The following SGCD variants were observed in gnomAD, a reference collection of about 807,000 sequenced individuals.
SGCD encodes the protein delta-sarcoglycan.
In SGCD, 18 loss-of-function variants were observed where a neutral mutation model predicts 36.6. The observed-to-expected ratio is 0.49, with a 90% CI of 0.34 to 0.73. SGCD has a LOEUF of 0.73. SGCD is among the 30% of genes least tolerant of loss of function. SGCD has a pLI of 0.01. For synonymous variants in SGCD, 133 were observed against 130.6 expected, an observed-to-expected ratio of 1.02 and a Z score of -0.12; for missense variants, 387 against 346.7, an observed-to-expected ratio of 1.12 and a Z score of -0.92.
chr5:156,538,658 C>T (rs1184342143), intron 4 of SGCD, among the ~76,000 whole-genome samples: 4 of 152,028 alleles, frequency 2.6e-5, no homozygotes, highest in African/African-American at 9.7e-5. Context: ...GCTCTTTCTG[C>T]TTATCTAGGA....
chr5:156,400,386 A>C (rs1772081051), intron 3 of SGCD, among the ~76,000 whole-genome samples: 1 of 152,222 alleles, frequency 6.6e-6, no homozygotes, highest in South Asian at 2.1e-4. Context: ...ACTTGAGGAT[A>C]TGATGACCTA....
chr5:156,576,166 C>T (rs1486279279), intron 4 of SGCD, among the ~76,000 whole-genome samples: 6 of 151,428 alleles, frequency 4.0e-5, no homozygotes, highest in Non-Finnish European at 8.8e-5. Context: ...TGAGTGAGAA[C>T]ATGCGGTGTT....
intron 3 of SGCD, among the ~76,000 whole-genome samples, chr5:156,421,754 C>G (rs1773320120): frequency 6.6e-6 from 1 of 152,022 alleles, no homozygotes; most frequent in African/African-American, 2.4e-5. Context: ...ACAGATGCTA[C>G]TGAAAAAGCA....
At chr5:156,631,736 T>C (rs1042317077) in intron 6 of SGCD, among the ~76,000 whole-genome samples, 3 of 152,098 alleles carry the variant, frequency 2.0e-5, no homozygotes, top group African/African-American at 4.8e-5. Context: ...GTATTGAAAA[T>C]TGACTAGCTT....
chr5:156,721,946 C>CCAAT (rs1187343442), intron 7 of SGCD, among the ~76,000 whole-genome samples: 1 of 152,148 alleles, frequency 6.6e-6, no homozygotes, highest in African/African-American at 2.4e-5. Context: ...CCAGTGTCTC[C>CCAAT]CAATTGGAAT....
At chr5:156,705,477 A>T (rs928544412) in intron 7 of SGCD, among the ~76,000 whole-genome samples, 2 of 152,122 alleles carry the variant, frequency 1.3e-5, no homozygotes, top group Non-Finnish European at 2.9e-5. Flanking sequence ...AATATCAGCA[A>T]TTGTCTTCAT....
chr5:155,791,868 A>T, the SGCD span, among the ~76,000 whole-genome samples: 101 of 152,316 alleles, frequency 6.6e-4, 1 homozygote, highest in South Asian at 4.6e-3. Flanking sequence ...TATCCCTATG[A>T]AAATACCAAC....
chr5:156,036,210 T>C (rs1759492632), intron 1 of SGCD, among the ~76,000 whole-genome samples: 1 of 152,102 alleles, frequency 6.6e-6, no homozygotes, highest in Non-Finnish European at 1.5e-5. Flanking sequence ...TCACCAAAAT[T>C]TGCAGTGAGA....
chr5:156,027,707 G>C (rs1424417469), intron 1 of SGCD, among the ~76,000 whole-genome samples: 1 of 152,082 alleles, frequency 6.6e-6, no homozygotes, highest in African/African-American at 2.4e-5. Flanking sequence ...ACATTATTTT[G>C]TATAGTACAT....
Position 156,762,876 on chromosome 5 carries a change from C to G in SGCD, c.*3486C>G, listed in dbSNP as rs978220738. The G allele has an allele frequency of 6.6e-6, 1 of 152,216 alleles. No homozygotes were observed. The highest frequency in any genetic ancestry group is 1.5e-5 in the Non-Finnish European group (1 of 68,038). The allele number at this position is 152,216 out of a possible 1,614,324, so 9.4% of individuals were successfully genotyped here. ...GCAGGAAAGAAAGCACATTTCCAAA[C>G]AGCAGGGAGTAAGCTTACATTTCTG... On this transcript the variant is annotated 3_prime_UTR_variant, in exon 9 of 9. Coordinates refer to ENST00000337851, the MANE Select transcript of SGCD (RefSeq NM_000337.6).
At chr5:156,194,640 C>A (rs899742290) in intron 3 of SGCD, among the ~76,000 whole-genome samples, 1 of 151,544 alleles carries the variant, frequency 6.6e-6, no homozygotes, top group Non-Finnish European at 1.5e-5. Context: ...AATATAATAC[C>A]TTAAGGTAAT....
intron 1 of SGCD, among the ~76,000 whole-genome samples, chr5:155,987,833 C>T (rs2127563811): frequency 6.6e-6 from 1 of 152,232 alleles, no homozygotes; most frequent in South Asian, 2.1e-4. Context: ...TTCATATTTT[C>T]CTTCCCCCAC....
rs75667204 is a variant in SGCD at position 156,413,842 on chromosome 5, A to AT, written c.192+69177dup. Among the ~76,000 whole-genome samples the AT allele has an allele frequency of 7.8e-3, 1,151 of 148,054 alleles. 12 individuals are homozygous for AT. The highest frequency in any genetic ancestry group is 0.025 in the African/African-American group (999 of 40,574). On this transcript the variant is annotated intron_variant, in intron 3 of 8. Coordinates refer to ENST00000337851, the MANE Select transcript of SGCD (RefSeq NM_000337.6). ...CTGAAGCTAGAAAATTGGGAAAAGG[A>AT]TTTTTTTTTTTTATTTTTGGAGTAG...
intron 6 of SGCD, among the ~76,000 whole-genome samples, chr5:156,624,276 A>G (rs1005876213): frequency 5.9e-5 from 9 of 152,124 alleles, no homozygotes; most frequent in African/African-American, 2.2e-4. Flanking sequence ...TTATTGAAGG[A>G]AATAACATCA....
intron 1 of SGCD, among the ~76,000 whole-genome samples, chr5:155,888,440 A>T (rs1282352193): frequency 6.6e-6 from 1 of 152,240 alleles, no homozygotes; most frequent in Non-Finnish European, 1.5e-5. Context: ...GGGTAACAAA[A>T]GAAAAGCACA....
chr5:156,743,740 G>A (rs189431278), intron 7 of SGCD, among the ~76,000 whole-genome samples: 61 of 152,304 alleles, frequency 4.0e-4, no homozygotes, highest in African/African-American at 1.4e-3. Flanking sequence ...AGTCTTTAGA[G>A]TAGAAGCCTA....
At chr5:156,229,833 T>G (rs1290155605) in intron 3 of SGCD, among the ~76,000 whole-genome samples, 1 of 152,148 alleles carries the variant, frequency 6.6e-6, no homozygotes, top group Admixed American at 6.5e-5. Context: ...AATCTCAGAC[T>G]TCTTGGAAGC....
chr5:156,164,383 CT>C (rs909780005), intron 3 of SGCD, among the ~76,000 whole-genome samples: 14 of 152,038 alleles, frequency 9.2e-5, no homozygotes, highest in African/African-American at 2.7e-4. Context: ...ATGTGAATGC[CT>C]TTTTTTTCCC....
At chr5:155,921,826 C>T (rs554671963) in intron 1 of SGCD, among the ~76,000 whole-genome samples, 3 of 152,236 alleles carry the variant, frequency 2.0e-5, no homozygotes, top group South Asian at 2.1e-4. Context: ...AAATACTTGC[C>T]GAATGTGTTA....
Sources: gnomAD v4.1 joint callset for allele counts (sites outside exome capture counted in the v4.1 genomes callset) on GRCh38, gnomAD v4.1.1 for gene constraint, MANE v1.5 for transcripts, NCBI Gene and HGNC (gene_info 2026-07-23, HGNC 2026-07-21) for gene names.